The following GIPC2 variants were observed in gnomAD, a reference collection of about 807,000 sequenced individuals.
GIPC2 encodes GIPC PDZ domain containing family member 2, also known as PDZ domain-containing protein GIPC2.
Under a neutral mutation model 30.6 loss-of-function variants are expected in GIPC2, and 30 were observed. The observed-to-expected ratio is 0.98, with a 90% CI of 0.73 to 1.33. GIPC2 has a LOEUF of 1.33. GIPC2 is among the 40% of genes most tolerant of loss of function. The pLI is 0.00. For synonymous variants in GIPC2, 167 were observed against 150.0 expected (o/e 1.11, Z -0.83); for missense variants, 414 against 390.3 (o/e 1.06, Z -0.51).
At chr1:78,077,882 C>T (rs941511828) in intron 1 of GIPC2, among the ~76,000 whole-genome samples, 7 of 152,140 alleles carry the variant, frequency 4.6e-5, no homozygotes, top group Non-Finnish European at 8.8e-5. Flanking sequence ...AGGAACTTTG[C>T]ATTCTTTAGA....
chr1:78,075,946 A>G (rs1006910071), intron 1 of GIPC2, among the ~76,000 whole-genome samples: 1 of 150,878 alleles, frequency 6.6e-6, no homozygotes, highest in African/African-American at 2.4e-5. Context: ...TGCTTTCCTC[A>G]TGTCAGCGTT....
At position 78,046,284 on chromosome 1, in the gene GIPC2, C is replaced by T; in HGVS notation, c.190C>T (p.Gln64Ter). 6.2e-7 allele frequency: 1 copy of T among 1,612,056 alleles called. No homozygotes were observed. The highest frequency in any genetic ancestry group is 2.2e-5 in the East Asian group (1 of 44,772). ...CCGAGTGGAGGGCTTCTCCAGCATC[C>T]AGGAGCTCTACGCCCAGATCGCGGG... ...TGRVEGFSSI[Q>*]ELYAQIAGAF... The change falls in exon 1 of 6, where the codon CAG (glutamine) becomes TAG (stop). Residue 64 changes from glutamine (Q) to a stop codon, truncating the protein, a stop_gained. Coordinates refer to ENST00000370759, the MANE Select transcript of GIPC2 (RefSeq NM_017655.6). LOFTEE classifies it high-confidence loss of function.
intron 3 of GIPC2, among the ~76,000 whole-genome samples, chr1:78,097,475 G>A (rs1022329064): frequency 6.6e-6 from 1 of 152,176 alleles, no homozygotes; most frequent in Admixed American, 6.5e-5. Flanking sequence ...AGCCTGGAGA[G>A]GCATGTGGAC....
chr1:78,045,172 T>G, upstream of GIPC2: 1 of 652,634 alleles, frequency 1.5e-6, no homozygotes, highest in Non-Finnish European at 1.9e-6. Flanking sequence ...TGAAATTGCA[T>G]AGTAAGTGAA....
chr1:78,051,271 T>A (rs1230996602), intron 1 of GIPC2, among the ~76,000 whole-genome samples: 8 of 152,068 alleles, frequency 5.3e-5, no homozygotes, highest in African/African-American at 1.9e-4. Context: ...AAAAAAAAGA[T>A]AAATTTTATA....
intron 4 of GIPC2, among the ~76,000 whole-genome samples, chr1:78,123,308 A>G (rs1662719463): frequency 6.6e-6 from 1 of 151,412 alleles, no homozygotes; most frequent in African/African-American, 2.4e-5. Flanking sequence ...TCCGGAAGAA[A>G]TTAGTGAGTG....
At chr1:78,089,576 G>A (rs1416688682) in intron 2 of GIPC2, among the ~76,000 whole-genome samples, 4 of 152,206 alleles carry the variant, frequency 2.6e-5, no homozygotes, top group East Asian at 3.9e-4. Context: ...GTTGAGCAGG[G>A]CTCAAGTGAT....
intron 3 of GIPC2, among the ~76,000 whole-genome samples, chr1:78,114,847 T>A (rs1235410546): frequency 6.6e-6 from 1 of 152,226 alleles, no homozygotes; most frequent in African/African-American, 2.4e-5. Flanking sequence ...AGCAAAAGTC[T>A]TACTCTGGTG....
intron 2 of GIPC2, among the ~76,000 whole-genome samples, chr1:78,093,385 CTTTG>C (rs200616997): frequency 0.018 from 2,688 of 152,158 alleles, 56 homozygotes; most frequent in South Asian, 0.098. Flanking sequence ...CTTCTGGTAT[CTTTG>C]TTTAACTATT....
At chr1:78,128,992 G>A (rs1463799069) in intron 5 of GIPC2, among the ~76,000 whole-genome samples, 3 of 147,962 alleles carry the variant, frequency 2.0e-5, no homozygotes, top group Non-Finnish European at 4.5e-5. Flanking sequence ...ACAATAGAGT[G>A]AGACCCTGTC....
chr1:78,135,930 A>C lies in GIPC2; in HGVS notation c.*187A>C. 2.0e-6 allele frequency: 1 copy of C among 492,370 alleles called. No individual in the cohort carries two copies. The highest frequency in any genetic ancestry group is 3.4e-5 in the South Asian group (1 of 29,472). The allele number at this position is 492,370 out of a possible 1,614,324, so 30.5% of individuals were successfully genotyped here. ...GGGCACTTTTTAACATTGCTGATGT[A>C]GTATGCTTAAGAGAAATGACCTAAA... On this transcript the variant is annotated 3_prime_UTR_variant, in exon 6 of 6. Transcript: ENST00000370759.
At chr1:78,062,724 G>A (rs1176561164) in intron 1 of GIPC2, among the ~76,000 whole-genome samples, 2 of 151,578 alleles carry the variant, frequency 1.3e-5, no homozygotes, top group Non-Finnish European at 2.9e-5. Context: ...ATGTGGCCCA[G>A]GCTGGTCTCG....
At chr1:78,095,697 C>G (rs1003196078) in intron 3 of GIPC2, among the ~76,000 whole-genome samples, 19 of 152,026 alleles carry the variant, frequency 1.2e-4, no homozygotes, top group African/African-American at 4.6e-4. Context: ...AGCTGTATTC[C>G]AACTGTTGTT....
Position 78,131,145 on chromosome 1 carries a change from TTTTTC to T in GIPC2, c.797-4442_797-4438del, listed in dbSNP as rs201043605. Among the ~76,000 whole-genome samples the T allele has an allele frequency of 4.2e-3, 587 of 140,576 alleles. 11 individuals are homozygous for T. In the East Asian group the frequency reaches 0.057, roughly 14 times the overall value. The allele number at this position is 140,576 out of a possible 152,430, so 92.2% of individuals were successfully genotyped here. On this transcript the variant is annotated intron_variant, in intron 5 of 5. Transcript: ENST00000370759. The stretch of plus-strand genomic sequence containing the variant: ...ACATTTACTATTTTTTAAATCTATT[TTTTTC>T]TTTTTTTCTCATGTGTTTCTAAACA...
chr1:78,058,048 G>A (rs561014511), intron 1 of GIPC2, among the ~76,000 whole-genome samples: 2 of 152,298 alleles, frequency 1.3e-5, no homozygotes, highest in African/African-American at 2.4e-5. Flanking sequence ...GCTGGAAAAT[G>A]TTCCATCATT....
chr1:78,099,256 G>C (rs17098320), intron 3 of GIPC2, among the ~76,000 whole-genome samples: 5,648 of 151,892 alleles, frequency 0.037, 264 homozygotes, highest in African/African-American at 0.11. Context: ...CACCTGCTTG[G>C]TACATGCATG....
intron 1 of GIPC2, chr1:78,068,981 CCT>C (rs1661569648): frequency 1.5e-6 from 1 of 673,586 alleles, no homozygotes. Context: ...TGGTCTTCTC[CCT>C]CTCTTTTCTA....
intron 2 of GIPC2, chr1:78,091,648 A>G (rs1349336158): frequency 1.3e-6 from 1 of 771,964 alleles, no homozygotes; most frequent in East Asian, 2.4e-5. Context: ...ACTGGAGAAT[A>G]TGGCATATGG....
Position 78,136,087 on chromosome 1 carries a change from G to T in GIPC2, c.*344G>T. ...CACATATAAATAGATGATTTCAATA[G>T]CTTTGTAGTTTTTTTTCAAAATCTT... On this transcript the variant is annotated 3_prime_UTR_variant, in exon 6 of 6. Coordinates refer to ENST00000370759, the MANE Select transcript of GIPC2 (RefSeq NM_017655.6). 1.2e-5 allele frequency: 2 copies of T among 169,376 alleles called. No homozygotes were observed. The highest frequency in any genetic ancestry group is 2.5e-5 in the Non-Finnish European group (2 of 80,434). The allele number at this position is 169,376 out of a possible 1,614,324, so 10.5% of individuals were successfully genotyped here. A position where few individuals can be genotyped will look rare whatever the true frequency, so the allele number is the denominator to read the frequency against.
Sources: allele counts gnomAD v4.1 joint callset (sites outside exome capture counted in the v4.1 genomes callset), GRCh38; gene constraint gnomAD v4.1.1; transcripts MANE v1.5; gene names NCBI Gene and HGNC (gene_info 2026-07-23, HGNC 2026-07-21).